MECOM: variants seen among roughly 807,000 people sequenced by gnomAD.
MECOM encodes the protein histone-lysine N-methyltransferase MECOM.
Under a neutral mutation model 116.3 loss-of-function variants are expected in MECOM, and 13 were observed. That is an observed-to-expected ratio of 0.11 (90% CI 0.07 to 0.18). MECOM has a LOEUF of 0.18. Ranked by LOEUF, MECOM falls within the 10% of genes least tolerant of loss-of-function variation. The probability of loss-of-function intolerance (pLI) is 1.00; values close to 1 mark genes in which losing one functional copy is unlikely to be tolerated. For synonymous variants in MECOM, 528 were observed against 535.2 expected (o/e 0.99, Z 0.19); for missense variants, 1,299 against 1,509.0 (o/e 0.86, Z 2.31).
chr3:169,352,816 A>C (rs915887724), intron 2 of MECOM, among the ~76,000 whole-genome samples: 2 of 151,962 alleles, frequency 1.3e-5, no homozygotes, highest in African/African-American at 4.8e-5. Flanking sequence ...CAACGAAGCT[A>C]TTCAACGCAG....
intron 1 of MECOM, among the ~76,000 whole-genome samples, chr3:169,430,865 C>T (rs1462245949): frequency 6.6e-6 from 1 of 152,154 alleles, no homozygotes; most frequent in Non-Finnish European, 1.5e-5. Context: ...CTTTATTACA[C>T]TAGGTTCAAA....
At chr3:169,111,338 T>C (rs13084426) in intron 9 of MECOM, among the ~76,000 whole-genome samples, 22,167 of 152,164 alleles carry the variant, frequency 0.15, 2,176 homozygotes, top group Non-Finnish European at 0.2. Context: ...AATATTACTG[T>C]AATTAATTTT....
chr3:169,396,972 CA>C (rs146759208), intron 1 of MECOM, among the ~76,000 whole-genome samples: 9 of 149,896 alleles, frequency 6.0e-5, no homozygotes, highest in South Asian at 2.1e-4. Flanking sequence ...GACTTCATCT[CA>C]AAAAAAAATA....
At chr3:169,134,127 A>G (rs1214327721) in intron 3 of MECOM, among the ~76,000 whole-genome samples, 1 of 152,228 alleles carries the variant, frequency 6.6e-6, no homozygotes, top group African/African-American at 2.4e-5. Context: ...GAGTATTATG[A>G]TATCATTATT....
chr3:169,306,709 C>T (rs1248962762), intron 2 of MECOM, among the ~76,000 whole-genome samples: 1 of 152,196 alleles, frequency 6.6e-6, no homozygotes, highest in Non-Finnish European at 1.5e-5. Flanking sequence ...GATTTTCATC[C>T]TTCTTGAAAC....
At chr3:169,304,776 T>C (rs1055452245) in intron 2 of MECOM, among the ~76,000 whole-genome samples, 1 of 152,222 alleles carries the variant, frequency 6.6e-6, no homozygotes, top group African/African-American at 2.4e-5. Flanking sequence ...TGTACTTTTT[T>C]CCTGTTCCTA....
chr3:169,131,209 T>C (rs560815858), intron 4 of MECOM, among the ~76,000 whole-genome samples: 1 of 152,314 alleles, frequency 6.6e-6, no homozygotes, highest in African/African-American at 2.4e-5. Context: ...AAAATTCCTT[T>C]GACCTCCACT....
chr3:169,648,270 T>C (rs1452939333), intron 1 of MECOM, among the ~76,000 whole-genome samples: 1 of 152,216 alleles, frequency 6.6e-6, no homozygotes, highest in Non-Finnish European at 1.5e-5. Context: ...AGATAAAACC[T>C]TGGTGACTGA....
At chr3:169,439,970 T>C (rs1379473523) in intron 1 of MECOM, among the ~76,000 whole-genome samples, 1 of 152,070 alleles carries the variant, frequency 6.6e-6, no homozygotes, top group Non-Finnish European at 1.5e-5. Context: ...CCAAACAATA[T>C]ATTGTTTGGT....
intron 2 of MECOM, among the ~76,000 whole-genome samples, chr3:169,371,749 T>C (rs1730177090): frequency 6.6e-6 from 1 of 152,034 alleles, no homozygotes; most frequent in Non-Finnish European, 1.5e-5. Context: ...AATTATTTCA[T>C]TCTTCTTCAT....
intron 2 of MECOM, among the ~76,000 whole-genome samples, chr3:169,160,258 G>C (rs749880348): frequency 6.6e-6 from 1 of 151,676 alleles, no homozygotes; most frequent in South Asian, 2.1e-4. Context: ...ATTGCAATCC[G>C]AATGGGGAAA....
intron 2 of MECOM, among the ~76,000 whole-genome samples, chr3:169,156,344 C>G (rs1741983234): frequency 6.6e-6 from 1 of 152,086 alleles, no homozygotes; most frequent in Non-Finnish European, 1.5e-5. Context: ...ACTGGAACAC[C>G]TAAGGAAAAC....
intron 1 of MECOM, among the ~76,000 whole-genome samples, chr3:169,478,679 A>G (rs1231577291): frequency 6.6e-6 from 1 of 152,216 alleles, no homozygotes; most frequent in African/African-American, 2.4e-5. Flanking sequence ...GTGCTAGGAT[A>G]TTTGATAGAC....
At chr3:169,641,441 T>C (rs1014968485) in intron 1 of MECOM, among the ~76,000 whole-genome samples, 2 of 152,180 alleles carry the variant, frequency 1.3e-5, no homozygotes, top group African/African-American at 4.8e-5. Context: ...CTGGCTTCTG[T>C]GCAATGGAGA....
At chr3:169,319,033 G>A (rs1720338297) in intron 2 of MECOM, among the ~76,000 whole-genome samples, 1 of 151,694 alleles carries the variant, frequency 6.6e-6, no homozygotes. Flanking sequence ...AGGAGGCAGA[G>A]GTTGCAGTGA....
At chr3:169,503,775 C>T (rs1754845936) in intron 1 of MECOM, among the ~76,000 whole-genome samples, 2 of 152,222 alleles carry the variant, frequency 1.3e-5, no homozygotes, top group South Asian at 4.1e-4. Flanking sequence ...CATATCAAAG[C>T]ATATTTTTTC....
intron 1 of MECOM, among the ~76,000 whole-genome samples, chr3:169,568,650 A>G (rs910098997): frequency 2.5e-4 from 38 of 152,222 alleles, no homozygotes; most frequent in Non-Finnish European, 7.3e-5. Context: ...AAGCCACTGT[A>G]GCCAGACTGC....
intron 1 of MECOM, among the ~76,000 whole-genome samples, chr3:169,423,491 C>G (rs191868189): frequency 6.6e-6 from 1 of 152,162 alleles, no homozygotes; most frequent in East Asian, 1.9e-4. Flanking sequence ...TATAGAATTC[C>G]TTGCAGATAT....
At chr3:169,346,370 G>T (rs926787222) in intron 2 of MECOM, among the ~76,000 whole-genome samples, 5 of 151,982 alleles carry the variant, frequency 3.3e-5, no homozygotes, top group African/African-American at 1.2e-4. Context: ...CATACATTCT[G>T]CAGGTCTCTT....
Sources: allele counts gnomAD v4.1 joint callset (sites outside exome capture counted in the v4.1 genomes callset), GRCh38; gene constraint gnomAD v4.1.1; transcripts MANE v1.5; gene names NCBI Gene and HGNC (gene_info 2026-07-23, HGNC 2026-07-21).